Variants in IMMP2L observed in about 807,000 individuals in gnomAD.
The protein encoded by IMMP2L is inner mitochondrial membrane peptidase subunit 2, also known as mitochondrial inner membrane protease subunit 2.
Under a neutral mutation model 19.3 loss-of-function variants are expected in IMMP2L, and 18 were observed. The ratio of observed to expected loss-of-function variants is 0.93; its 90% CI spans 0.64 to 1.38. The LOEUF (loss-of-function observed/expected upper bound fraction) is 1.38, where lower values mean the gene tolerates loss of function less well. Among genes scored for constraint, IMMP2L ranks in the 40% most tolerant of loss-of-function variants. The pLI, the probability that IMMP2L is intolerant of heterozygous loss-of-function variation, is 0.00. For synonymous variants in IMMP2L, 76 were observed against 73.0 expected (o/e 1.04, Z -0.21); for missense variants, 233 against 218.2 (o/e 1.07, Z -0.43).
At chr7:111,314,189 A>C (rs1823807356) in intron 3 of IMMP2L, among the ~76,000 whole-genome samples, 1 of 152,166 alleles carries the variant, frequency 6.6e-6, no homozygotes, top group South Asian at 2.1e-4. Flanking sequence ...GAATAGCCTA[A>C]TACAGGCGGC....
chr7:110,720,398 G>A (rs1448950683), intron 5 of IMMP2L, among the ~76,000 whole-genome samples: 2 of 152,048 alleles, frequency 1.3e-5, no homozygotes, highest in East Asian at 3.9e-4. Flanking sequence ...AACAATTAGC[G>A]AAAGAAATAA....
At chr7:110,853,661 AT>A in intron 5 of IMMP2L, among the ~76,000 whole-genome samples, 1 of 152,190 alleles carries the variant, frequency 6.6e-6, no homozygotes, top group Non-Finnish European at 1.5e-5. Flanking sequence ...GAAACTTGAT[AT>A]TGACTATAAT....
At chr7:110,989,022 G>C (rs968850482) in intron 3 of IMMP2L, among the ~76,000 whole-genome samples, 1 of 152,092 alleles carries the variant, frequency 6.6e-6, no homozygotes, top group Non-Finnish European at 1.5e-5. Context: ...GATCACCTGA[G>C]GCTGGGAGTT....
At position 110,910,486 on chromosome 7, in the gene IMMP2L, G is replaced by T. The variant is rs189572559; in HGVS notation, c.306-23791C>A. The stretch of plus-strand genomic sequence containing the variant: ...CTAGGATTGTAGACAAAACCAGGAA[G>T]GGAAATTTTCATTAATAGAAGCGTT... On this transcript the variant is annotated intron_variant, in intron 4 of 5. Transcript: ENST00000405709. Among the ~76,000 whole-genome samples the T allele has an allele frequency of 8.3e-4, 126 of 152,234 alleles. 1 individual carries two copies. Among genetic ancestry groups the T allele is most frequent in the African/African-American group, 2.9e-3 (122 of 41,554 alleles).
At chr7:110,791,991 G>A (rs760767609) in intron 5 of IMMP2L, among the ~76,000 whole-genome samples, 3 of 151,894 alleles carry the variant, frequency 2.0e-5, no homozygotes, top group Non-Finnish European at 4.4e-5. Context: ...AGAACATGGA[G>A]TTGAGAATAA....
At position 111,546,687 on chromosome 7, in the gene IMMP2L, A is replaced by G. The variant is rs1848962604; in HGVS notation, c.-3+15164T>C. ...ATGTTCTTCCCTTCCTTCAAAGGTC[A>G]ATTCAAGTTGATGTCTCTGCTCTCT... is the stretch of plus-strand genomic sequence containing the variant. On this transcript the variant is annotated intron_variant, in intron 1 of 5. Coordinates refer to ENST00000405709, the MANE Select transcript of IMMP2L (RefSeq NM_032549.4). Among the ~76,000 whole-genome samples, 3 of 152,142 alleles carry G rather than the reference A, an allele frequency of 2.0e-5. No homozygotes were observed. The South Asian group carries it at 6.2e-4, about 32-fold the overall frequency.
At position 110,663,383 on chromosome 7, in the gene IMMP2L, C is replaced by A; in HGVS notation, c.*219G>T. ...GTCTGCATATTTTGGGGGCATTAAA[C>A]AACAGGGAACTAAAATTTAACACAA... On this transcript the variant is annotated 3_prime_UTR_variant, in exon 6 of 6. Transcript: ENST00000405709. The A allele has an allele frequency of 2.4e-6, 1 of 420,760 alleles. No individual in the cohort carries two copies. The highest frequency in any genetic ancestry group is 4.2e-6 in the Non-Finnish European group (1 of 237,392). 26.1% of individuals were successfully genotyped at this position (420,760 alleles called of 1,614,324 possible).
intron 3 of IMMP2L, among the ~76,000 whole-genome samples, chr7:111,420,231 T>A (rs1469654394): frequency 4.6e-5 from 7 of 151,752 alleles, no homozygotes; most frequent in Admixed American, 1.3e-4. Context: ...AAGTTGGTCA[T>A]TCAAACTCAC....
chr7:111,012,104 C>A (rs1269167740), intron 3 of IMMP2L, among the ~76,000 whole-genome samples: 4 of 151,986 alleles, frequency 2.6e-5, no homozygotes. Context: ...AGAGAGAATT[C>A]TATTAGTTGA....
At chr7:110,665,091 CA>C (rs1400626847) in intron 5 of IMMP2L, 1 of 152,138 alleles carries the variant, frequency 6.6e-6, no homozygotes, top group Non-Finnish European at 1.5e-5. Flanking sequence ...ACTTGAAATA[CA>C]AACTAAATAT....
intron 3 of IMMP2L, among the ~76,000 whole-genome samples, chr7:111,154,502 C>T (rs1392169298): frequency 1.3e-5 from 2 of 151,926 alleles, no homozygotes; most frequent in Admixed American, 6.6e-5. Context: ...CCCTTTTTAC[C>T]ACTACAATTG....
chr7:110,669,863 A>G (rs1791771872), intron 5 of IMMP2L, among the ~76,000 whole-genome samples: 1 of 152,188 alleles, frequency 6.6e-6, no homozygotes, highest in South Asian at 2.1e-4. Flanking sequence ...AGTCAGGATA[A>G]TAAAAATAAA....
intron 3 of IMMP2L, among the ~76,000 whole-genome samples, chr7:111,027,297 C>T (rs773933586): frequency 6.6e-6 from 1 of 152,012 alleles, no homozygotes; most frequent in Non-Finnish European, 1.5e-5. Context: ...ACAAGAGAAA[C>T]GAAGGCTGAT....
chr7:110,823,590 C>A (rs1180326977), intron 5 of IMMP2L, among the ~76,000 whole-genome samples: 1 of 151,978 alleles, frequency 6.6e-6, no homozygotes, highest in Admixed American at 6.6e-5. Flanking sequence ...GTGGAACTGG[C>A]AATGGTGAAA....
At chr7:111,267,682 TA>T (rs888374525) in intron 3 of IMMP2L, among the ~76,000 whole-genome samples, 8 of 152,186 alleles carry the variant, frequency 5.3e-5, no homozygotes, top group African/African-American at 9.7e-5. Context: ...ATAGGGGTAA[TA>T]TTTTTTTTCT....
chr7:111,539,209 A>G (rs879888953), intron 1 of IMMP2L, among the ~76,000 whole-genome samples: 6,622 of 49,810 alleles, frequency 0.13, 986 homozygotes, highest in East Asian at 0.17. Flanking sequence ...AAAGAAAGAA[A>G]GAAAGAAAGA....
chr7:110,904,392 A>G (rs1242723978), intron 4 of IMMP2L, among the ~76,000 whole-genome samples: 1 of 152,126 alleles, frequency 6.6e-6, no homozygotes, highest in African/African-American at 2.4e-5. Flanking sequence ...TGGGTTTTAC[A>G]TTGAATTCTT....
At chr7:111,329,441 T>G (rs373605228) in intron 3 of IMMP2L, among the ~76,000 whole-genome samples, 3 of 151,908 alleles carry the variant, frequency 2.0e-5, no homozygotes, top group East Asian at 3.9e-4. Flanking sequence ...CCAAGAGCAG[T>G]TCAGGAGAAA....
chr7:111,030,418 T>C (rs1227137513), intron 3 of IMMP2L, among the ~76,000 whole-genome samples: 1 of 152,184 alleles, frequency 6.6e-6, no homozygotes, highest in Admixed American at 6.5e-5. Context: ...TGCCAACAGA[T>C]GATATACTTA....
Sources: allele counts gnomAD v4.1 joint callset (sites outside exome capture counted in the v4.1 genomes callset), GRCh38; gene constraint gnomAD v4.1.1; transcripts MANE v1.5; gene names NCBI Gene and HGNC (gene_info 2026-07-23, HGNC 2026-07-21).